The following ZFAND4 variants were observed in gnomAD, a reference collection of about 807,000 sequenced individuals.
ZFAND4 encodes the protein zinc finger AN1-type containing 4, also known as AN1-type zinc finger protein 4.
ZFAND4 carries 43 observed loss-of-function variants against 64.4 expected under a neutral mutation model. The ratio of observed to expected loss-of-function variants is 0.67; its 90% CI spans 0.52 to 0.86. The LOEUF is 0.86. ZFAND4 is among the 40% of genes least tolerant of loss of function. The pLI, the probability that ZFAND4 is intolerant of heterozygous loss-of-function variation, is 0.00. For synonymous variants in ZFAND4, 296 were observed against 305.7 expected (o/e 0.97, Z 0.33); for missense variants, 929 against 859.8 (o/e 1.08, Z -1.01).
In ZFAND4 at chr10:45,646,370, G is replaced by A. The variant is rs770821560; in HGVS notation, c.569+1924C>T. ...TTGTAGACTAGGAAAGCCTCTTCTA[G>A]AACAGGAAATATAAATGTTCTTCAT... On this transcript the variant is annotated intron_variant, in intron 5 of 9. Coordinates refer to ENST00000344646, the MANE Select transcript of ZFAND4 (RefSeq NM_174890.4). Among the ~76,000 whole-genome samples the A allele has an allele frequency of 7.2e-5, 11 of 152,274 alleles. 1 individual carries two copies. The highest frequency in any genetic ancestry group is 5.9e-4 in the Admixed American group (9 of 15,290).
At chr10:45,623,233 G>C (rs1207233902) in intron 8 of ZFAND4, among the ~76,000 whole-genome samples, 1 of 152,150 alleles carries the variant, frequency 6.6e-6, no homozygotes, top group Non-Finnish European at 1.5e-5. Context: ...ATTAAAAATA[G>C]AAATACCTTC....
At chr10:45,656,591 A>G (rs1372116185) in intron 2 of ZFAND4, among the ~76,000 whole-genome samples, 1 of 151,462 alleles carries the variant, frequency 6.6e-6, no homozygotes, top group Non-Finnish European at 1.5e-5. Context: ...GCACCAGAAT[A>G]TCAAAACACA....
intron 5 of ZFAND4, among the ~76,000 whole-genome samples, chr10:45,644,989 T>G (rs986510243): frequency 3.3e-5 from 5 of 151,304 alleles, no homozygotes; most frequent in Non-Finnish European, 5.9e-5. Flanking sequence ...TTTTTTTTTT[T>G]TTGTCTTTTT....
chr10:45,639,724 A>C, intron 6 of ZFAND4, 92 bp downstream of exon 6: 1 of 1,424,666 alleles, frequency 7.0e-7, no homozygotes, highest in Non-Finnish European at 9.3e-7. Context: ...ATAATACTTT[A>C]TAATTTTTTC....
chr10:45,617,591 G>GGA (rs771265046), intron 9 of ZFAND4, among the ~76,000 whole-genome samples: 2 of 71,080 alleles, frequency 2.8e-5, no homozygotes, highest in African/African-American at 5.4e-5. Context: ...TTACAGTACT[G>GGA]AAAAAAAAAA....
At chr10:45,621,613 G>A (rs1473127584) in intron 8 of ZFAND4, among the ~76,000 whole-genome samples, 1 of 151,902 alleles carries the variant, frequency 6.6e-6, no homozygotes, top group Non-Finnish European at 1.5e-5. Context: ...GTGGTGGCGG[G>A]CACCTGTAGT....
At chr10:45,630,370 A>T (rs1382754543) in intron 6 of ZFAND4, among the ~76,000 whole-genome samples, 10 of 152,212 alleles carry the variant, frequency 6.6e-5, no homozygotes, top group Non-Finnish European at 1.3e-4. Flanking sequence ...CATCTCAGAA[A>T]TGAAGACTAA....
chr10:45,653,597 T>C (rs1482477327), intron 2 of ZFAND4, among the ~76,000 whole-genome samples: 1 of 152,136 alleles, frequency 6.6e-6, no homozygotes, highest in Non-Finnish European at 1.5e-5. Context: ...ATTAGACAAA[T>C]GTAAATCAAA....
intron 5 of ZFAND4, chr10:45,640,496 C>CTT: frequency 9.1e-7 from 1 of 1,093,984 alleles, no homozygotes; most frequent in Non-Finnish European, 1.2e-6. Context: ...GAGCAAAAAA[C>CTT]ATTTTTTTTT....
chr10:45,622,971 A>G (rs183964703), intron 8 of ZFAND4, among the ~76,000 whole-genome samples: 4 of 152,364 alleles, frequency 2.6e-5, no homozygotes, highest in Non-Finnish European at 5.9e-5. Context: ...GCCAATAAGC[A>G]CATGAAACTA....
intron 2 of ZFAND4, among the ~76,000 whole-genome samples, chr10:45,658,536 A>T (rs11239585): frequency 0.23 from 34,475 of 152,150 alleles, 4,106 homozygotes; most frequent in South Asian, 0.37. Flanking sequence ...ATCTTCCTAA[A>T]AAATAGTTTG....
At position 45,626,591 on chromosome 10, in the gene ZFAND4, TC is replaced by T. The variant is rs1251853916; in HGVS notation, c.1231del (p.Glu411AsnfsTer6). On this transcript the variant is annotated frameshift_variant, in exon 7 of 10. Coordinates refer to ENST00000344646, the MANE Select transcript of ZFAND4 (RefSeq NM_174890.4). LOFTEE classifies it high-confidence loss of function. ...LASFAEGNAD[E>X]QSSGLEGACK... ...CGCACCTTCTAAGCCGCTGCTCTGTTCATCAGCATTTCCTTCTGCAAATGAA... is the reference window on the plus strand; with the variant it reads ...CGCACCTTCTAAGCCGCTGCTCTGTTATCAGCATTTCCTTCTGCAAATGAA... The T allele has an allele frequency of 6.2e-7, 1 of 1,614,190 alleles. No homozygotes were observed.
chr10:45,665,299 G>A (rs1183891384), intron 1 of ZFAND4, among the ~76,000 whole-genome samples: 1 of 152,140 alleles, frequency 6.6e-6, no homozygotes, highest in Non-Finnish European at 1.5e-5. Flanking sequence ...CAGCACGTTG[G>A]GAGGCCGAGG....
Position 45,616,279 on chromosome 10 carries a change from A to G in ZFAND4, c.*157T>C. On this transcript the variant is annotated 3_prime_UTR_variant, in exon 10 of 10. Transcript: ENST00000344646. The stretch of plus-strand genomic sequence containing the variant: ...TTGTTTCACCAAGAAATAAAGATGT[A>G]AAATACAGTAGCATTCTTGTTCTCC... The G allele has an allele frequency of 1.0e-6, 1 of 983,286 alleles. No individual in the cohort carries two copies. The highest frequency in any genetic ancestry group is 2.4e-4 in the Middle Eastern group (1 of 4,170). The allele number at this position is 983,286 out of a possible 1,614,324, so 60.9% of individuals were successfully genotyped here.
rs770135118 is a variant in ZFAND4 at position 45,624,588 on chromosome 10, C to T, written c.1922G>A (p.Ser641Asn). 2.4e-5 allele frequency: 38 copies of T among 1,613,738 alleles called. No individual in the cohort carries two copies. The highest frequency in any genetic ancestry group is 3.0e-5 in the Non-Finnish European group (35 of 1,179,884). ...CAAAATTATCTGTAGCTTACCTACG[C>T]TTTTCCCTGCTGCTGCATTATTTCC... ...MNGNNAAAGK[S>N]VGECTTHHLP... Residue 641 changes from serine to asparagine, a missense_variant, in exon 8 of 10, where the codon AGC (serine) becomes AAC (asparagine). By Grantham distance (46) the Ser-to-Asn change is conservative. Coordinates refer to ENST00000344646, the MANE Select transcript of ZFAND4 (RefSeq NM_174890.4).
At chr10:45,633,493 C>T (rs1053102298) in intron 6 of ZFAND4, among the ~76,000 whole-genome samples, 1 of 151,730 alleles carries the variant, frequency 6.6e-6, no homozygotes, top group Admixed American at 6.6e-5. Context: ...TCCCTTGGTC[C>T]CAGGAGTTCA....
At position 45,635,840 on chromosome 10, in the gene ZFAND4, G is replaced by C. The variant is rs551688373; in HGVS notation, c.717+3976C>G. 1.5e-4 allele frequency among the ~76,000 whole-genome samples: 23 copies of C among 152,228 alleles called. No individual in the cohort carries two copies. In the South Asian group the frequency reaches 4.8e-3, roughly 32 times the overall value. Reference sequence around the variant, plus strand: ...GTTATACACTTAACATTACTGAACTGTTTGTACACTTAAGATGGTTAAGAT... The same window carrying C: ...GTTATACACTTAACATTACTGAACTCTTTGTACACTTAAGATGGTTAAGAT... On this transcript the variant is annotated intron_variant, in intron 6 of 9. Coordinates refer to ENST00000344646, the MANE Select transcript of ZFAND4 (RefSeq NM_174890.4).
At chr10:45,634,685 G>A (rs576356135) in intron 6 of ZFAND4, among the ~76,000 whole-genome samples, 3 of 151,948 alleles carry the variant, frequency 2.0e-5, no homozygotes, top group Non-Finnish European at 4.4e-5. Flanking sequence ...AAGAAATAAA[G>A]GGCATACAAA....
chr10:45,627,049 A>C lies in ZFAND4; in HGVS notation c.774T>G (p.Ser258Arg). Residue 258 changes from serine to arginine, a missense_variant, in exon 7 of 10, where the codon AGT becomes AGG. Transcript: ENST00000344646. ...GGTGGCGAGATGGTGCAGTGGAACC[A>C]CTAGAAGGTCGAGGAGCTACAGGTG... ...PHPPVAPRPS[S>R]GSTAPSRHRL... 6.3e-7 allele frequency: 1 copy of C among 1,592,308 alleles called. No homozygotes were observed.
Sources: gnomAD v4.1 joint callset for allele counts (sites outside exome capture counted in the v4.1 genomes callset) on GRCh38, gnomAD v4.1.1 for gene constraint, MANE v1.5 for transcripts, NCBI Gene and HGNC (gene_info 2026-07-23, HGNC 2026-07-21) for gene names.